PAG1: variants seen among roughly 807,000 people sequenced by gnomAD.
PAG1 encodes the protein phosphoprotein membrane anchor with glycosphingolipid microdomains 1.
A neutral mutation model predicts 31.7 loss-of-function variants in PAG1; 23 were observed. The observed-to-expected ratio is 0.73, with a 90% CI of 0.52 to 1.03. The LOEUF (loss-of-function observed/expected upper bound fraction) is 1.03. PAG1 is among the 50% of genes least tolerant of loss of function. The pLI, the probability that PAG1 is intolerant of heterozygous loss-of-function variation, is 0.00. For synonymous variants in PAG1, 214 were observed against 210.3 expected, an observed-to-expected ratio of 1.02 and a Z score of -0.15; for missense variants, 473 against 540.7, an observed-to-expected ratio of 0.87 and a Z score of 1.24.
chr8:81,084,584 T>TA (rs1291374860), intron 1 of PAG1, among the ~76,000 whole-genome samples: 7 of 152,178 alleles, frequency 4.6e-5, no homozygotes, highest in Non-Finnish European at 1.0e-4. Context: ...TTGCAATTAT[T>TA]ACCCTTAATA....
chr8:80,999,488 AACC>A (rs1807746063), intron 3 of PAG1, among the ~76,000 whole-genome samples: 1 of 151,884 alleles, frequency 6.6e-6, no homozygotes, highest in Non-Finnish European at 1.5e-5. Flanking sequence ...AGATGAAAGA[AACC>A]TGGAATGCCT....
chr8:81,038,169 G>A (rs904030756), intron 2 of PAG1, among the ~76,000 whole-genome samples: 2 of 152,190 alleles, frequency 1.3e-5, no homozygotes, highest in African/African-American at 2.4e-5. Flanking sequence ...TATGCATGTC[G>A]GCGGGGAGGG....
chr8:81,074,330 A>G (rs1809143098), intron 1 of PAG1, among the ~76,000 whole-genome samples: 1 of 152,142 alleles, frequency 6.6e-6, no homozygotes, highest in Non-Finnish European at 1.5e-5. Flanking sequence ...TCATGAGGGA[A>G]GAGGGAGCAG....
At chr8:81,033,682 A>G (rs79307775) in intron 2 of PAG1, among the ~76,000 whole-genome samples, 15 of 152,356 alleles carry the variant, frequency 9.8e-5, no homozygotes, top group African/African-American at 3.6e-4. Context: ...GATGACATTC[A>G]TAAGAAGGCC....
At chr8:81,106,017 TA>T (rs1170879765) in intron 1 of PAG1, among the ~76,000 whole-genome samples, 1 of 152,152 alleles carries the variant, frequency 6.6e-6, no homozygotes, top group Admixed American at 6.5e-5. Flanking sequence ...GAGAGGGAAG[TA>T]CAAAGCTGTT....
At chr8:81,050,540 T>C (rs1808711502) in intron 2 of PAG1, among the ~76,000 whole-genome samples, 1 of 152,008 alleles carries the variant, frequency 6.6e-6, no homozygotes, top group Non-Finnish European at 1.5e-5. Context: ...TGTCATAAAA[T>C]GCCATAAGAC....
At chr8:81,108,734 T>C (rs1187972489) in intron 1 of PAG1, among the ~76,000 whole-genome samples, 1 of 152,148 alleles carries the variant, frequency 6.6e-6, no homozygotes, top group East Asian at 1.9e-4. Flanking sequence ...TCTAACAAGC[T>C]ATGGAAACCT....
chr8:81,015,752 G>C (rs1586166449), intron 3 of PAG1, among the ~76,000 whole-genome samples: 2 of 152,114 alleles, frequency 1.3e-5, no homozygotes, highest in Non-Finnish European at 2.9e-5. Flanking sequence ...CTATAGGTAG[G>C]TATAGAAGAT....
rs192232401 is a variant in PAG1 at position 81,026,472 on chromosome 8, C to T, written c.-81+3524G>A. The stretch of plus-strand genomic sequence containing the variant: ...GACACATAGCATTGGTGAAACAAGG[C>T]CCTTGCACGCCTTGCTTTAGGGCAT... On this transcript the variant is annotated intron_variant, in intron 3 of 8. Coordinates refer to ENST00000220597, the MANE Select transcript of PAG1 (RefSeq NM_018440.4). 2.1e-4 allele frequency among the ~76,000 whole-genome samples: 31 copies of T among 150,048 alleles called. No individual in the cohort carries two copies. In the East Asian group the frequency reaches 5.5e-3, roughly 26 times the overall value.
chr8:80,987,406 T>C lies in PAG1; in HGVS notation c.238A>G (p.Ser80Gly). ...VTSLATDAPA[S>G]SEQNGALTNG... is the part of the protein sequence containing the mutation. ...GTGAGTGCCCCATTCTGCTCACTGC[T>C]GGCAGGAGCATCTGTTGCCAGGCTA... The change falls in exon 6 of 9, where the codon AGC (serine) becomes GGC (glycine). Residue 80 changes from serine to glycine, a missense_variant. Transcript: ENST00000220597. The C allele has an allele frequency of 1.2e-6, 2 of 1,613,894 alleles. No individual in the cohort carries two copies. The highest frequency in any genetic ancestry group is 1.3e-5 in the African/African-American group (1 of 75,052).
At chr8:81,024,240 G>C (rs751277934) in intron 3 of PAG1, among the ~76,000 whole-genome samples, 2 of 152,136 alleles carry the variant, frequency 1.3e-5, no homozygotes, top group African/African-American at 4.8e-5. Flanking sequence ...GCTTTGCATC[G>C]CTGTGATTTT....
At chr8:81,037,676 T>C (rs1808483599) in intron 2 of PAG1, among the ~76,000 whole-genome samples, 2 of 152,246 alleles carry the variant, frequency 1.3e-5, no homozygotes, top group Non-Finnish European at 2.9e-5. Flanking sequence ...AATTATTAGC[T>C]TATAAATTGA....
At chr8:80,994,636 C>T (rs541096428) in intron 3 of PAG1, among the ~76,000 whole-genome samples, 1 of 152,282 alleles carries the variant, frequency 6.6e-6, no homozygotes, top group East Asian at 1.9e-4. Context: ...AAGGAAAGCT[C>T]GTTGTCACTG....
intron 1 of PAG1, among the ~76,000 whole-genome samples, chr8:81,083,895 C>T (rs913296200): frequency 4.0e-5 from 6 of 151,892 alleles, no homozygotes; most frequent in African/African-American, 1.2e-4. Context: ...ATTAGCCAGG[C>T]GTGGTGGTGC....
chr8:80,992,635 T>G (rs931179771), intron 4 of PAG1, among the ~76,000 whole-genome samples: 1 of 152,158 alleles, frequency 6.6e-6, no homozygotes, highest in East Asian at 1.9e-4. Context: ...GTTCCTCTCC[T>G]TGGAAAATAA....
intron 1 of PAG1, among the ~76,000 whole-genome samples, chr8:81,078,966 A>G (rs1809220887): frequency 6.6e-6 from 1 of 152,114 alleles, no homozygotes; most frequent in Non-Finnish European, 1.5e-5. Flanking sequence ...CTTATCTTCC[A>G]TCTTGCCTGC....
At chr8:81,096,616 G>T (rs972324179) in intron 1 of PAG1, among the ~76,000 whole-genome samples, 1 of 152,192 alleles carries the variant, frequency 6.6e-6, no homozygotes, top group Non-Finnish European at 1.5e-5. Context: ...ACTTTAATTG[G>T]TTCTGCTGTG....
intron 5 of PAG1, 56 bp from the exon 6 acceptor site, chr8:80,987,522 TGCAGA>T: frequency 1.6e-6 from 2 of 1,218,822 alleles, no homozygotes; most frequent in Middle Eastern, 1.9e-4. Context: ...GAATCTGGAC[TGCAGA>T]GCAGAGGAGA....
intron 2 of PAG1, among the ~76,000 whole-genome samples, chr8:81,041,951 T>C (rs974773034): frequency 2.0e-5 from 3 of 152,354 alleles, no homozygotes; most frequent in Middle Eastern, 3.4e-3. Flanking sequence ...CTTTGTAAGC[T>C]ATTGTTGGTG....
Sources: gnomAD v4.1 joint callset for allele counts (sites outside exome capture counted in the v4.1 genomes callset) on GRCh38, gnomAD v4.1.1 for gene constraint, MANE v1.5 for transcripts, NCBI Gene and HGNC (gene_info 2026-07-23, HGNC 2026-07-21) for gene names.